Variants in PIK3C3 observed in about 807,000 individuals in gnomAD.
The protein encoded by PIK3C3 is phosphatidylinositol 3-kinase catalytic subunit type 3.
Under a neutral mutation model 126.1 loss-of-function variants are expected in PIK3C3, and 95 were observed. The ratio of observed to expected loss-of-function variants is 0.75; its 90% CI spans 0.64 to 0.89. The LOEUF (loss-of-function observed/expected upper bound fraction) is 0.89, where lower values mean the gene tolerates loss of function less well. Ranked by LOEUF, PIK3C3 falls within the 40% of genes least tolerant of loss-of-function variation. The pLI, the probability that PIK3C3 is intolerant of heterozygous loss-of-function variation, is 0.00. For missense variants in PIK3C3, 829 were observed against 1,063.2 expected (o/e 0.78, Z 3.06); for synonymous variants, 374 against 360.0 (o/e 1.04, Z -0.44).
chr18:41,982,705 A>T (rs1272217569), intron 4 of PIK3C3, among the ~76,000 whole-genome samples: 1 of 152,150 alleles, frequency 6.6e-6, no homozygotes, highest in East Asian at 1.9e-4. Flanking sequence ...TCTACCTACC[A>T]CTCAAAGATA....
At chr18:42,064,365 T>C (rs1282086482) in intron 22 of PIK3C3, among the ~76,000 whole-genome samples, 2 of 152,222 alleles carry the variant, frequency 1.3e-5, no homozygotes, top group East Asian at 3.8e-4. Context: ...AGCAGATTGT[T>C]ATCTTCATCT....
intron 4 of PIK3C3, chr18:41,970,700 A>G: frequency 3.4e-6 from 2 of 595,030 alleles, no homozygotes; most frequent in South Asian, 2.1e-5. Context: ...GAATTTTTTC[A>G]TCACCCCTAA....
At chr18:42,069,385 G>C (rs1985682665) in intron 24 of PIK3C3, among the ~76,000 whole-genome samples, 1 of 152,198 alleles carries the variant, frequency 6.6e-6, no homozygotes, top group Admixed American at 6.5e-5. Flanking sequence ...ATGACCACTT[G>C]ACATCTGTGA....
chr18:42,058,169 G>T, intron 22 of PIK3C3, 118 bp downstream of exon 22: 1 of 723,048 alleles, frequency 1.4e-6, no homozygotes, highest in South Asian at 3.1e-5. Flanking sequence ...AAATGACAAA[G>T]GCAACAATAT....
chr18:42,029,286 C>A, intron 14 of PIK3C3, 39 bp from the exon 15 acceptor site: 3 of 1,204,812 alleles, frequency 2.5e-6, no homozygotes, highest in Middle Eastern at 1.9e-4. Flanking sequence ...GATCATTACG[C>A]AACATAGAAC....
chr18:42,006,451 T>C (rs749631246), intron 10 of PIK3C3, among the ~76,000 whole-genome samples: 3 of 152,136 alleles, frequency 2.0e-5, no homozygotes, highest in Non-Finnish European at 4.4e-5. Context: ...TCTTCAGTTC[T>C]CTCTGTTCCC....
chr18:41,973,555 T>C (rs933614430), intron 4 of PIK3C3, among the ~76,000 whole-genome samples: 3 of 152,118 alleles, frequency 2.0e-5, no homozygotes, highest in Non-Finnish European at 4.4e-5. Context: ...GAATTTATTA[T>C]TATTATTCTT....
chr18:42,042,114 G>C (rs1293657300), intron 19 of PIK3C3, among the ~76,000 whole-genome samples: 1 of 152,154 alleles, frequency 6.6e-6, no homozygotes, highest in Non-Finnish European at 1.5e-5. Flanking sequence ...TGGGAGTCTG[G>C]AATTTTGTAC....
chr18:42,033,757 G>C, intron 15 of PIK3C3, 69 bp from the exon 16 acceptor site: 1 of 1,175,184 alleles, frequency 8.5e-7, no homozygotes, highest in Non-Finnish European at 1.2e-6. Context: ...CAATTTTTAT[G>C]TCTTTACTAT....
At chr18:41,994,702 A>G (rs1459860225) in intron 7 of PIK3C3, among the ~76,000 whole-genome samples, 1 of 152,158 alleles carries the variant, frequency 6.6e-6, no homozygotes, top group Non-Finnish European at 1.5e-5. Context: ...CATGCCATAC[A>G]TAGGAATAAA....
intron 4 of PIK3C3, among the ~76,000 whole-genome samples, chr18:41,984,522 T>C (rs1008749390): frequency 6.6e-5 from 10 of 152,274 alleles, no homozygotes; most frequent in African/African-American, 2.4e-4. Context: ...AACGGCTTTA[T>C]GGTTTGAAGA....
intron 15 of PIK3C3, among the ~76,000 whole-genome samples, chr18:42,029,691 C>T (rs915989345): frequency 5.9e-5 from 9 of 151,392 alleles, no homozygotes; most frequent in African/African-American, 7.3e-5. Context: ...TACAGGTGCC[C>T]GCCACCATGC....
At chr18:42,041,974 C>A (rs1463963915) in intron 19 of PIK3C3, among the ~76,000 whole-genome samples, 1 of 152,162 alleles carries the variant, frequency 6.6e-6, no homozygotes, top group African/African-American at 2.4e-5. Context: ...TTGGAAAGGC[C>A]TGCTTGCCAG....
At position 42,004,618 on chromosome 18, in the gene PIK3C3, T is replaced by G. The variant is rs80125520; in HGVS notation, c.1170+77T>G. 9.6e-4 allele frequency: 1,074 copies of G among 1,114,606 alleles called. 14 individuals carry two copies. The African/African-American group carries it at 0.015, about 15-fold the overall frequency. The allele number at this position is 1,114,606 out of a possible 1,614,324, so 69.0% of individuals were successfully genotyped here. On this transcript the variant is annotated intron_variant, in intron 10 of 24. Transcript: ENST00000262039. ...TAATTATAAACTATGTGTGTATGTGTGTGTGAGAGTGAGAGAGAGAGTGTG... is the reference window on the plus strand; with the variant it reads ...TAATTATAAACTATGTGTGTATGTGGGTGTGAGAGTGAGAGAGAGAGTGTG...
intron 3 of PIK3C3, among the ~76,000 whole-genome samples, chr18:41,966,616 T>G (rs1313485499): frequency 1.3e-5 from 2 of 152,154 alleles, no homozygotes; most frequent in Non-Finnish European, 2.9e-5. Flanking sequence ...CTAAATATAA[T>G]GACAAAAACT....
chr18:41,998,073 A>G (rs971203030), intron 9 of PIK3C3, among the ~76,000 whole-genome samples: 1 of 152,156 alleles, frequency 6.6e-6, no homozygotes, highest in Non-Finnish European at 1.5e-5. Context: ...TTTAGTTTCT[A>G]AAGTAAAGAT....
At chr18:42,037,108 G>A (rs1984090354) in intron 16 of PIK3C3, among the ~76,000 whole-genome samples, 2 of 152,134 alleles carry the variant, frequency 1.3e-5, no homozygotes, top group African/African-American at 4.8e-5. Flanking sequence ...AAAATCCGGG[G>A]AAGTCCAAAA....
At chr18:42,012,935 A>C (rs1982896583) in intron 10 of PIK3C3, among the ~76,000 whole-genome samples, 1 of 152,124 alleles carries the variant, frequency 6.6e-6, no homozygotes, top group Admixed American at 6.6e-5. Context: ...AAGAAAACAG[A>C]TGATTTTTAA....
intron 24 of PIK3C3, among the ~76,000 whole-genome samples, chr18:42,079,590 A>G (rs1986162772): frequency 6.6e-6 from 1 of 150,378 alleles, no homozygotes; most frequent in South Asian, 2.1e-4. Context: ...AAAAAAAAAC[A>G]AAACAAAACA....
Sources: gnomAD v4.1 joint callset for allele counts (sites outside exome capture counted in the v4.1 genomes callset) on GRCh38, gnomAD v4.1.1 for gene constraint, MANE v1.5 for transcripts, NCBI Gene and HGNC (gene_info 2026-07-23, HGNC 2026-07-21) for gene names.